PPP1R18: variants seen among roughly 807,000 people sequenced by gnomAD.
The protein encoded by PPP1R18 is phostensin.
Under a neutral mutation model 54.8 loss-of-function variants are expected in PPP1R18, and 31 were observed. The ratio of observed to expected loss-of-function variants is 0.57; its 90% CI spans 0.43 to 0.76. PPP1R18 has a LOEUF of 0.76. Ranked by LOEUF, PPP1R18 falls within the 30% of genes least tolerant of loss-of-function variation. The probability of loss-of-function intolerance (pLI) is 0.00; values close to 1 mark genes in which losing one functional copy is unlikely to be tolerated. For synonymous variants in PPP1R18, 310 were observed against 320.2 expected, an observed-to-expected ratio of 0.97 and a Z score of 0.34; for missense variants, 685 against 776.1, an observed-to-expected ratio of 0.88 and a Z score of 1.39.
rs562042886 is a variant in PPP1R18, at chr6:30,685,308, C to T, written c.711G>A (p.Glu237=). The change falls in exon 1 of 3, where the codon GAG becomes GAA. Residue 237 remains glutamate, a synonymous_variant. Transcript: ENST00000274853. This position sits in a 1 kb window ranked among gnomAD's most constrained non-coding sequence, Gnocchi z 5.0. ...TGGAGTCAGGTCTCCATTTATGGGC[C>T]TCTGTCAGGCCCAACTTCTGGTAGG... ...ESAYQKLGLT[E]AHKWRPDSRE... 1.2e-6 allele frequency: 2 copies of T among 1,613,128 alleles called. No individual in the cohort carries two copies. The highest frequency in any genetic ancestry group is 2.7e-5 in the African/African-American group (2 of 75,072).
rs1163832294 is a variant in PPP1R18, at chr6:30,686,409, G to C, written c.-391C>G. ...GAAAGTTGGCGTGAGGGAGAAGAGA[G>C]AAATGTGGCAGGGGTGAGGGGAACC... On this transcript the variant is annotated 5_prime_UTR_variant, in exon 1 of 3. Transcript: ENST00000274853. The C allele has an allele frequency of 4.4e-6, 1 of 225,212 alleles. No individual in the cohort carries two copies. The highest frequency in any genetic ancestry group is 8.7e-6 in the Non-Finnish European group (1 of 115,408). The allele number at this position is 225,212 out of a possible 1,614,324, so 14.0% of individuals were successfully genotyped here.
chr6:30,679,139 C>G, intron 2 of PPP1R18, 40 bp downstream of exon 2: 1 of 1,565,100 alleles, frequency 6.4e-7, no homozygotes, highest in Non-Finnish European at 8.7e-7. Flanking sequence ...CCCGCTCTGA[C>G]AGCAGGGGGC....
intron 1 of PPP1R18, among the ~76,000 whole-genome samples, chr6:30,681,622 G>A (rs1770554755): frequency 1.3e-5 from 2 of 151,978 alleles, no homozygotes; most frequent in South Asian, 2.1e-4. Context: ...AAATTAGCCG[G>A]GTATGGTGGC....
chr6:30,686,050 G>A lies in PPP1R18; in HGVS notation c.-32C>T. On this transcript the variant is annotated 5_prime_UTR_variant, in exon 1 of 3. Coordinates refer to ENST00000274853, the MANE Select transcript of PPP1R18 (RefSeq NM_133471.4). ...CTTGAGGTGAGGGTAGGGAGCACTG[G>A]GGACAGAGAACAGGAAGGAGAGGCT... 7.2e-6 allele frequency: 11 copies of A among 1,520,716 alleles called. No individual in the cohort carries two copies. Among genetic ancestry groups the A allele is most frequent in the South Asian group, 1.3e-5 (1 of 78,856 alleles). 94.2% of individuals were successfully genotyped at this position (1,520,716 alleles called of 1,614,324 possible).
Position 30,678,376 on chromosome 6 carries a change from A to AT in PPP1R18, c.1822+802dup, listed in dbSNP as rs35334385. Reference sequence around the variant, plus strand: ...AGCTGCGCACTGCCACACCTGGCTAATTTTTTTTTTTTTTTTTGAGACGGA... The same window carrying AT: ...AGCTGCGCACTGCCACACCTGGCTAATTTTTTTTTTTTTTTTTTGAGACGGA... On this transcript the variant is annotated intron_variant, in intron 2 of 2. Coordinates refer to ENST00000274853, the MANE Select transcript of PPP1R18 (RefSeq NM_133471.4). Among the ~76,000 whole-genome samples, 872 of 137,182 alleles carry AT rather than the reference A, an allele frequency of 6.4e-3. 7 individuals carry two copies. The highest frequency in any genetic ancestry group is 0.016 in the African/African-American group (579 of 37,324). 90.0% of individuals were successfully genotyped at this position (137,182 alleles called of 152,430 possible).
intron 1 of PPP1R18, among the ~76,000 whole-genome samples, chr6:30,682,041 C>A (rs985712918): frequency 6.6e-6 from 1 of 152,126 alleles, no homozygotes; most frequent in Non-Finnish European, 1.5e-5. Context: ...TTTCTGGGAA[C>A]CCATTTTTGT....
rs745553152 is a variant in PPP1R18, at chr6:30,684,491, C to G, written c.1528G>C (p.Glu510Gln). Residue 510 changes from glutamate (E) to glutamine (Q), a missense_variant, in exon 1 of 3, where the codon GAG (glutamate) becomes CAG (glutamine). Coordinates refer to ENST00000274853, the MANE Select transcript of PPP1R18 (RefSeq NM_133471.4). This position sits in a 1 kb window ranked among gnomAD's most constrained non-coding sequence, Gnocchi z 6.0. Reference sequence around the variant, plus strand: ...TAGCCCCCCAGAACCAAGATCTCCTCGGCAGTTGGGTACCGCTTCTTCCCA... The same window carrying G: ...TAGCCCCCCAGAACCAAGATCTCCTGGGCAGTTGGGTACCGCTTCTTCCCA... ...GAGKKRYPTA[E>Q]EILVLGGYLR... 2 of 1,612,126 alleles carry G rather than the reference C, an allele frequency of 1.2e-6. No homozygotes were observed.
In PPP1R18 at chr6:30,684,742, G is replaced by C. The variant is rs1018647648; in HGVS notation, c.1277C>G (p.Pro426Arg). The change falls in exon 1 of 3, where the codon CCA (proline) becomes CGA (arginine). Residue 426 changes from proline to arginine, a missense_variant. By Grantham distance (103) the Pro-to-Arg change is moderately radical. Coordinates refer to ENST00000274853, the MANE Select transcript of PPP1R18 (RefSeq NM_133471.4). This position sits in a 1 kb window ranked among gnomAD's most constrained non-coding sequence, Gnocchi z 6.0. ...TGGGGGAGACAGAGGGGCTGGTGGTGGGGGCTGGAGCTCCACTGCTTCCTC... is the reference window on the plus strand; with the variant it reads ...TGGGGGAGACAGAGGGGCTGGTGGTCGGGGCTGGAGCTCCACTGCTTCCTC... The part of the protein sequence containing the change: ...QEEEAVELQP[P>R]PPAPLSPPPP... 5.8e-6 allele frequency: 9 copies of C among 1,560,424 alleles called. No individual in the cohort carries two copies. The African/African-American group carries it at 1.1e-4, about 19-fold the overall frequency.
In PPP1R18 at chr6:30,686,126, G is replaced by C; in HGVS notation, c.-108C>G. ...GAGACTGAGGGTGGGAGGAGAGGAA[G>C]TGGAGGGGGAGAGGTGGGACACAAA... On this transcript the variant is annotated 5_prime_UTR_variant, in exon 1 of 3. Transcript: ENST00000274853. 5 of 1,181,800 alleles carry C rather than the reference G, an allele frequency of 4.2e-6. No homozygotes were observed. The highest frequency in any genetic ancestry group is 5.9e-6 in the Non-Finnish European group (5 of 845,308). 73.2% of individuals were successfully genotyped at this position (1,181,800 alleles called of 1,614,324 possible). A position where few individuals can be genotyped will look rare whatever the true frequency, so the allele number is the denominator to read the frequency against.
rs202025553 is a variant in PPP1R18, at chr6:30,684,911, C to T, written c.1108G>A (p.Gly370Ser). The T allele has an allele frequency of 2.7e-5, 44 of 1,612,894 alleles. No individual in the cohort carries two copies. The highest frequency in any genetic ancestry group is 8.3e-5 in the Admixed American group (5 of 60,012). ...ESAEKLLESP[G>S]VEAGEGEAEK... is the part of the protein sequence containing the mutation. ...GCCTCCCCTTCTCCAGCCTCCACAC[C>T]GGGAGATTCCAGAAGCTTCTCTGCT... Residue 370 changes from glycine to serine, a missense_variant, in exon 1 of 3, where the codon GGT becomes AGT. Physicochemically the swap from Gly to Ser is moderately conservative, Grantham distance 56. Coordinates refer to ENST00000274853, the MANE Select transcript of PPP1R18 (RefSeq NM_133471.4). This position sits in a 1 kb window ranked among gnomAD's most constrained non-coding sequence, Gnocchi z 6.0.
At position 30,684,110 on chromosome 6, in the gene PPP1R18, GA is replaced by G. The variant is rs1218193896; in HGVS notation, c.1611+297del. Reference sequence around the variant, plus strand: ...GGTCACACTCAGGAAAGGAAGGAAAGAAAAGGGGGTTGGAAACTCAGAGCCC... The same window carrying G: ...GGTCACACTCAGGAAAGGAAGGAAAGAAAGGGGGTTGGAAACTCAGAGCCC... On this transcript the variant is annotated intron_variant, in intron 1 of 2. Coordinates refer to ENST00000274853, the MANE Select transcript of PPP1R18 (RefSeq NM_133471.4). This position sits in a 1 kb window ranked among gnomAD's most constrained non-coding sequence, Gnocchi z 6.0. Among the ~76,000 whole-genome samples, 2 of 152,112 alleles carry G rather than the reference GA, an allele frequency of 1.3e-5. No homozygotes were observed. Among genetic ancestry groups the G allele is most frequent in the African/African-American group, 2.4e-5 (1 of 41,418 alleles).
rs776125871 is a variant in PPP1R18, at chr6:30,684,900, A to G, written c.1119T>C (p.Ala373=). 7 of 1,612,852 alleles carry G rather than the reference A, an allele frequency of 4.3e-6. No homozygotes were observed. The highest frequency in any genetic ancestry group is 5.1e-6 in the Non-Finnish European group (6 of 1,179,996). ...CCTCCTTCTCAGCCTCCCCTTCTCC[A>G]GCCTCCACACCGGGAGATTCCAGAA... ...EKLLESPGVE[A]GEGEAEKEEA... is the part of the protein sequence containing the mutation. Residue 373 remains alanine, a synonymous_variant, in exon 1 of 3, where the codon GCT becomes GCC. Coordinates refer to ENST00000274853, the MANE Select transcript of PPP1R18 (RefSeq NM_133471.4). This position sits in a 1 kb window ranked among gnomAD's most constrained non-coding sequence, Gnocchi z 6.0.
Position 30,685,427 on chromosome 6 carries a change from C to T in PPP1R18, c.592G>A (p.Glu198Lys), listed in dbSNP as rs774469956. 1 of 1,613,074 alleles carries T rather than the reference C, an allele frequency of 6.2e-7. No homozygotes were observed. Among genetic ancestry groups the T allele is most frequent in the Non-Finnish European group, 8.5e-7 (1 of 1,180,030 alleles). The change falls in exon 1 of 3, where the codon GAA becomes AAA. Residue 198 changes from glutamate (E) to lysine (K), a missense_variant. By Grantham distance (56) the Glu-to-Lys change is moderately conservative (BLOSUM62 1). Coordinates refer to ENST00000274853, the MANE Select transcript of PPP1R18 (RefSeq NM_133471.4). This position sits in a 1 kb window ranked among gnomAD's most constrained non-coding sequence, Gnocchi z 5.0. ...AGTCTCAGACTCCGCTCTGGAGTTT[C>T]TCCAGGACTCAGCCTCCATTTCCAT... ...EAWKWRLSPG[E>K]TPERSLRLAE...
At chr6:30,680,225 C>A (rs1770465308) in intron 1 of PPP1R18, among the ~76,000 whole-genome samples, 1 of 152,176 alleles carries the variant, frequency 6.6e-6, no homozygotes. Context: ...TTGGTAATCA[C>A]ACTGTCCCAA....
chr6:30,684,523 G>A lies in PPP1R18; in HGVS notation c.1496C>T (p.Pro499Leu), dbSNP rs1435576269. Residue 499 changes from proline (P) to leucine (L), a missense_variant, in exon 1 of 3, where the codon CCG becomes CTG. Coordinates refer to ENST00000274853, the MANE Select transcript of PPP1R18 (RefSeq NM_133471.4). This position sits in a 1 kb window ranked among gnomAD's most constrained non-coding sequence, Gnocchi z 6.0. ...TSPATVDAAV[P>L]GAGKKRYPTA... ...TGGGTACCGCTTCTTCCCAGCCCCC[G>A]GGACTGCAGCATCAACTGTGGCTGG... 6 of 1,612,574 alleles carry A rather than the reference G, an allele frequency of 3.7e-6. No individual in the cohort carries two copies. The highest frequency in any genetic ancestry group is 1.3e-5 in the African/African-American group (1 of 74,926).
At chr6:30,681,794 G>A (rs959248535) in intron 1 of PPP1R18, among the ~76,000 whole-genome samples, 2 of 152,088 alleles carry the variant, frequency 1.3e-5, no homozygotes, top group Non-Finnish European at 2.9e-5. Context: ...AAAAAGAAAG[G>A]AGCTTAGAAG....
intron 2 of PPP1R18, among the ~76,000 whole-genome samples, chr6:30,678,501 A>C (rs1770333904): frequency 6.6e-6 from 1 of 150,922 alleles, no homozygotes; most frequent in South Asian, 2.1e-4. Flanking sequence ...TCAGCCTCCC[A>C]AGTAGTTGGG....
At chr6:30,677,581 G>C (rs1562016373) in intron 2 of PPP1R18, among the ~76,000 whole-genome samples, 3 of 152,006 alleles carry the variant, frequency 2.0e-5, no homozygotes, top group Admixed American at 2.0e-4. Context: ...TCTTGGCCTG[G>C]AGCACCTGTA....
At chr6:30,681,912 A>G (rs921181370) in intron 1 of PPP1R18, among the ~76,000 whole-genome samples, 2 of 151,988 alleles carry the variant, frequency 1.3e-5, no homozygotes, top group African/African-American at 4.8e-5. Flanking sequence ...TACACATTTG[A>G]CCCCCAGTTC....
Sources: gnomAD v4.1 joint callset for allele counts (sites outside exome capture counted in the v4.1 genomes callset) on GRCh38, gnomAD v4.1.1 for gene constraint, Gnocchi (gnomAD v3.1) non-coding constraint, MANE v1.5 for transcripts, NCBI Gene and HGNC (gene_info 2026-07-23, HGNC 2026-07-21) for gene names.